The following RP1L1 variants were observed in gnomAD, a reference collection of about 807,000 sequenced individuals.
RP1L1 encodes RP1 like 1, also known as retinitis pigmentosa 1-like 1 protein.
In RP1L1, 27 loss-of-function variants were observed where a neutral mutation model predicts 15.7. That is an observed-to-expected ratio of 1.72 (90% CI 1.27 to 2.38). RP1L1 has a LOEUF of 2.38. RP1L1 is among the 30% of genes most tolerant of loss of function. The probability of loss-of-function intolerance (pLI) is 0.00; values close to 1 mark genes in which losing one functional copy is unlikely to be tolerated. For missense variants in RP1L1, 4,798 were observed against 3,075.9 expected, an observed-to-expected ratio of 1.56 and a Z score of -13.24; for synonymous variants, 1,813 against 1,276.7, an observed-to-expected ratio of 1.42 and a Z score of -8.96.
intron 1 of RP1L1, among the ~76,000 whole-genome samples, chr8:10,651,807 G>A (rs887623229): frequency 6.7e-6 from 1 of 150,236 alleles, no homozygotes; most frequent in South Asian, 2.1e-4. Context: ...CTCCATGACT[G>A]TAAAATCCCA....
In RP1L1 at chr8:10,606,882, A is replaced by C. The variant is rs1797711436; in HGVS notation, c.*13T>G. On this transcript the variant is annotated 3_prime_UTR_variant, in exon 4 of 4. Transcript: ENST00000382483. ...GCTCCCAAGCTCGTGATTGTTTTCT[A>C]GCTTGATCTTGTCTAGAAATCTAAG... is the stretch of plus-strand genomic sequence containing the variant. The C allele has an allele frequency of 6.2e-7, 1 of 1,614,026 alleles. No individual in the cohort carries two copies. Among genetic ancestry groups the C allele is most frequent in the Admixed American group, 1.7e-5 (1 of 60,012 alleles).
At chr8:10,627,902 G>A (rs890654100) in intron 1 of RP1L1, among the ~76,000 whole-genome samples, 13 of 152,184 alleles carry the variant, frequency 8.5e-5, no homozygotes, top group African/African-American at 3.1e-4. Flanking sequence ...CTGATGAACA[G>A]GCACAAAGCA....
At position 10,608,427 on chromosome 8, in the gene RP1L1, C is replaced by T; in HGVS notation, c.5671G>A (p.Glu1891Lys). 1 of 1,606,400 alleles carries T rather than the reference C, an allele frequency of 6.2e-7. No individual in the cohort carries two copies. ...GEAQPESEDV[E>K]TPEAEWEVQP... is the part of the protein sequence containing the mutation. The stretch of plus-strand genomic sequence containing the variant: ...ACCTCCCATTCTGCCTCTGGGGTCT[C>T]TACATCTTCTGACTCTGGCTGGGCC... The change falls in exon 4 of 4, where the codon GAG (glutamate) becomes AAG (lysine). Residue 1891 changes from glutamate to lysine, a missense_variant. Transcript: ENST00000382483.
chr8:10,612,774 T>A lies in RP1L1; in HGVS notation c.1324A>T (p.Thr442Ser), dbSNP rs868264716. 1 of 1,609,814 alleles carries A rather than the reference T, an allele frequency of 6.2e-7. No homozygotes were observed. The change falls in exon 4 of 4, where the codon ACT (threonine) becomes TCT (serine). Residue 442 changes from threonine to serine, a missense_variant. Transcript: ENST00000382483. ...TGGCTGCATCTCTCCCTCCCGGCAG[T>A]CCCGTGGCCCCACAGGCCACTGCAG... is the stretch of plus-strand genomic sequence containing the variant. ...VRCSGLWGHG[T>S]AGRERCSQDS...
chr8:10,616,105 C>T (rs990733419), intron 3 of RP1L1, among the ~76,000 whole-genome samples: 5 of 152,054 alleles, frequency 3.3e-5, no homozygotes, highest in Admixed American at 6.6e-5. Flanking sequence ...GACAGTGTCT[C>T]ATTATGTTGC....
At chr8:10,622,451 T>C in intron 2 of RP1L1, 142 bp downstream of exon 2, 2 of 1,047,238 alleles carry the variant, frequency 1.9e-6, no homozygotes, top group East Asian at 4.8e-5. Context: ...CTTGACTGAG[T>C]GTCTCCATGC....
rs374728530 is a variant in RP1L1 at position 10,612,975 on chromosome 8, C to G, written c.1123G>C (p.Gly375Arg). Residue 375 changes from glycine to arginine, a missense_variant, in exon 4 of 4, where the codon GGC becomes CGC. Coordinates refer to ENST00000382483, the MANE Select transcript of RP1L1 (RefSeq NM_178857.6). ...CCCCACACCCCAGGCTCTGAGAAGC[C>G]CCAAGGGTAGCCCTCCCACACACAG... ...LCCVWEGYPW[G>R]FSEPGVWGPR... 53 of 1,613,188 alleles carry G rather than the reference C, an allele frequency of 3.3e-5. No homozygotes were observed. Among genetic ancestry groups the G allele is most frequent in the Non-Finnish European group, 4.4e-5 (52 of 1,179,938 alleles).
chr8:10,651,725 C>G (rs930590049), intron 1 of RP1L1, among the ~76,000 whole-genome samples: 10 of 148,584 alleles, frequency 6.7e-5, no homozygotes, highest in Non-Finnish European at 1.3e-4. Context: ...CCTCTGCACT[C>G]CAGCCTGGCA....
intron 1 of RP1L1, 126 bp from the exon 2 acceptor site, chr8:10,623,346 C>T: frequency 2.8e-6 from 2 of 714,476 alleles, no homozygotes; most frequent in South Asian, 4.0e-5. Flanking sequence ...TATGGAGAGG[C>T]AAGTGAATCT....
At chr8:10,614,679 A>AG (rs141678915) in intron 3 of RP1L1, among the ~76,000 whole-genome samples, 2 of 149,516 alleles carry the variant, frequency 1.3e-5, no homozygotes, top group Non-Finnish European at 3.0e-5. Flanking sequence ...AAAAAAAAAA[A>AG]GAAAAGAAAA....
rs769307321 is a variant in RP1L1 at position 10,607,294 on chromosome 8, G to A, written c.6804C>T (p.Ser2268=). 6.2e-7 allele frequency: 1 copy of A among 1,614,202 alleles called. No homozygotes were observed. The highest frequency in any genetic ancestry group is 8.5e-7 in the Non-Finnish European group (1 of 1,180,030). ...GCCTGTCCTCAGGGACTGGGCTGCTGCTTTCAGAAGCCTCCTCAGATTGGC... is the reference window on the plus strand; with the variant it reads ...GCCTGTCCTCAGGGACTGGGCTGCTACTTTCAGAAGCCTCCTCAGATTGGC... ...GDGQSEEASE[S]SSPVPEDRPT... Residue 2268 remains serine, a synonymous_variant, in exon 4 of 4, where the codon AGC becomes AGT. Transcript: ENST00000382483.
Position 10,609,062 on chromosome 8 carries a change from G to T in RP1L1, c.5036C>A (p.Thr1679Asn). The T allele has an allele frequency of 6.2e-7, 1 of 1,613,786 alleles. No individual in the cohort carries two copies. Among genetic ancestry groups the T allele is most frequent in the African/African-American group, 1.3e-5 (1 of 75,040 alleles). The change falls in exon 4 of 4, where the codon ACC becomes AAC. Residue 1679 changes from threonine (T) to asparagine (N), a missense_variant. Coordinates refer to ENST00000382483, the MANE Select transcript of RP1L1 (RefSeq NM_178857.6). Reference protein sequence around the residue: ...PMSPKATMGATRGPIKEAFDL... With the variant: ...PMSPKATMGANRGPIKEAFDL... ...AAAGGCCTCTTTGATGGGACCTCTG[G>T]TTGCCCCCATTGTGGCCTTGGGGGA...
intron 1 of RP1L1, among the ~76,000 whole-genome samples, chr8:10,641,465 T>G (rs942154528): frequency 3.3e-5 from 5 of 152,156 alleles, no homozygotes; most frequent in Non-Finnish European, 7.3e-5. Flanking sequence ...TCCACACAAA[T>G]GCACACACAA....
At chr8:10,651,209 T>C (rs527628167) in intron 1 of RP1L1, among the ~76,000 whole-genome samples, 1 of 145,344 alleles carries the variant, frequency 6.9e-6, no homozygotes, top group East Asian at 2.1e-4. Context: ...AGTCTGAGCC[T>C]GGCCTGGGAA....
At position 10,610,669 on chromosome 8, in the gene RP1L1, G is replaced by A. The variant is rs373102394; in HGVS notation, c.3429C>T (p.Asp1143=). The change falls in exon 4 of 4, where the codon GAC becomes GAT. Residue 1143 remains aspartate (D), a synonymous_variant. Coordinates refer to ENST00000382483, the MANE Select transcript of RP1L1 (RefSeq NM_178857.6). ...TGAGCAGCTCCTGGTACCGAGGGGA[G>A]TCTTTGAACCTCACTTTGCTGGCAG... The part of the protein sequence containing the change: ...GSPASKVRFK[D]SPRYQELLSI... 1.9e-6 allele frequency: 3 copies of A among 1,612,172 alleles called. No homozygotes were observed. Among genetic ancestry groups the A allele is most frequent in the Non-Finnish European group, 1.7e-6 (2 of 1,179,244 alleles).
intron 1 of RP1L1, among the ~76,000 whole-genome samples, chr8:10,643,784 C>G (rs1158497409): frequency 6.6e-6 from 1 of 152,032 alleles, no homozygotes; most frequent in Non-Finnish European, 1.5e-5. Flanking sequence ...CGCTGGCTAC[C>G]TCTCACCTGG....
chr8:10,616,951 C>G (rs529808811), intron 2 of RP1L1, among the ~76,000 whole-genome samples: 20 of 152,296 alleles, frequency 1.3e-4, no homozygotes, highest in Admixed American at 1.2e-3. Flanking sequence ...AGCAGCACGC[C>G]CTCCAGCTCC....
intron 1 of RP1L1, among the ~76,000 whole-genome samples, chr8:10,631,041 T>C (rs1585988792): frequency 6.6e-6 from 1 of 151,482 alleles, no homozygotes; most frequent in South Asian, 2.1e-4. Flanking sequence ...CTTTGCCGGG[T>C]TTGTGGGGAG....
rs1797704475 is a variant in RP1L1 at position 10,606,544 on chromosome 8, C to T, written c.*351G>A. On this transcript the variant is annotated 3_prime_UTR_variant, in exon 4 of 4. Coordinates refer to ENST00000382483, the MANE Select transcript of RP1L1 (RefSeq NM_178857.6). ...AAAGACAGAGAGCAACACTTGCTAGCAGAAAACAAACCCACAAACAAAAGC... is the reference window on the plus strand; with the variant it reads ...AAAGACAGAGAGCAACACTTGCTAGTAGAAAACAAACCCACAAACAAAAGC... 6.8e-6 allele frequency: 2 copies of T among 294,100 alleles called. No individual in the cohort carries two copies. Among genetic ancestry groups the T allele is most frequent in the African/African-American group, 2.2e-5 (1 of 45,256 alleles). The allele number at this position is 294,100 out of a possible 1,614,324, so 18.2% of individuals were successfully genotyped here. A position where few individuals can be genotyped will look rare whatever the true frequency, so the allele number is the denominator to read the frequency against.
Sources: gnomAD v4.1 joint callset for allele counts (sites outside exome capture counted in the v4.1 genomes callset) on GRCh38, gnomAD v4.1.1 for gene constraint, MANE v1.5 for transcripts, NCBI Gene and HGNC (gene_info 2026-07-23, HGNC 2026-07-21) for gene names.